Variants in TDP1 observed in about 807,000 individuals in gnomAD.
TDP1 encodes tyrosyl-DNA phosphodiesterase 1.
TDP1 carries 64 observed loss-of-function variants against 81.5 expected under a neutral mutation model. That is an observed-to-expected ratio of 0.79 (90% CI 0.64 to 0.97). TDP1 has a LOEUF of 0.97. Ranked by LOEUF, TDP1 falls within the 50% of genes least tolerant of loss-of-function variation. TDP1 has a pLI of 0.00. For synonymous variants in TDP1, 256 were observed against 264.3 expected (o/e 0.97, Z 0.30); for missense variants, 723 against 743.8 (o/e 0.97, Z 0.33).
At chr14:89,961,425 T>A (rs1892310424) in intron 2 of TDP1, among the ~76,000 whole-genome samples, 1 of 152,212 alleles carries the variant, frequency 6.6e-6, no homozygotes. Flanking sequence ...AGGCCAGTGC[T>A]TATTTAGCTG....
At chr14:89,984,862 A>G (rs143602366) in intron 9 of TDP1, 179 bp downstream of exon 9, 1 of 985,418 alleles carries the variant, frequency 1.0e-6, no homozygotes, top group East Asian at 1.1e-4. Context: ...CAGGCATTAA[A>G]GTGACAGCCA....
intron 13 of TDP1, among the ~76,000 whole-genome samples, chr14:89,992,773 A>T (rs1385137456): frequency 6.6e-6 from 1 of 152,174 alleles, no homozygotes; most frequent in Non-Finnish European, 1.5e-5. Flanking sequence ...GTTAATCTGG[A>T]GGGACCATCC....
At chr14:90,035,335 T>A (rs1887710016) in intron 16 of TDP1, among the ~76,000 whole-genome samples, 1 of 152,162 alleles carries the variant, frequency 6.6e-6, no homozygotes, top group South Asian at 2.1e-4. Context: ...AGTGTGGAAA[T>A]CCCCTATGCC....
At chr14:90,012,516 G>T (rs1884826938) in intron 14 of TDP1, among the ~76,000 whole-genome samples, 1 of 151,844 alleles carries the variant, frequency 6.6e-6, no homozygotes, top group African/African-American at 2.4e-5. Context: ...TGGACATCCA[G>T]GCGTTTCTAT....
chr14:90,029,466 T>A lies in TDP1; in HGVS notation c.1645-3640T>A, dbSNP rs1453350492. On this transcript the variant is annotated intron_variant, in intron 15 of 16. Coordinates refer to ENST00000335725, the MANE Select transcript of TDP1 (RefSeq NM_018319.4). ...CGCCCGCCTCGGCCTCACAAAGTGC[T>A]GGCATTACAGGCATGAGCCACCGCA... 1.7e-3 allele frequency among the ~76,000 whole-genome samples: 253 copies of A among 150,732 alleles called. 2 individuals carry two copies. The highest frequency in any genetic ancestry group is 2.9e-3 in the Non-Finnish European group (195 of 67,836).
intron 5 of TDP1, among the ~76,000 whole-genome samples, chr14:89,968,301 G>A (rs905030602): frequency 6.6e-6 from 1 of 152,094 alleles, no homozygotes. Context: ...TGGTCTAGAT[G>A]GGGGCACCAG....
chr14:89,977,225 AT>A (rs1187721442), intron 7 of TDP1, among the ~76,000 whole-genome samples: 1 of 152,248 alleles, frequency 6.6e-6, no homozygotes, highest in East Asian at 1.9e-4. Flanking sequence ...TGTAGTTTAC[AT>A]TTTGTTGAAA....
chr14:89,975,961 T>C, intron 7 of TDP1, 146 bp downstream of exon 7: 1 of 734,988 alleles, frequency 1.4e-6, no homozygotes, highest in South Asian at 1.5e-5. Flanking sequence ...GCTATTCTTT[T>C]ATTTAATGCT....
intron 7 of TDP1, chr14:89,980,312 A>T (rs1894824706): frequency 1.0e-6 from 1 of 985,286 alleles, no homozygotes; most frequent in South Asian, 4.7e-5. Context: ...ACTAGGGTTG[A>T]AAGTTCTTTT....
rs146029247 is a variant in TDP1 at position 89,989,073 on chromosome 14, T to A, written c.1300T>A (p.Ser434Thr). The A allele has an allele frequency of 6.2e-7, 1 of 1,613,884 alleles. No homozygotes were observed. The highest frequency in any genetic ancestry group is 1.3e-5 in the African/African-American group (1 of 74,926). ...GGAAAGCAAGACTCCAGGAAAAAGC[T>A]CTGTTCCTCTTTACTTGGTGAGTTC... ...GKESKTPGKS[S>T]VPLYLIYPSV... Residue 434 changes from serine to threonine, a missense_variant, in exon 11 of 17, where the codon TCT (serine) becomes ACT (threonine). Coordinates refer to ENST00000335725, the MANE Select transcript of TDP1 (RefSeq NM_018319.4).
In TDP1 at chr14:89,969,272, G is replaced by A. The variant is rs989565454; in HGVS notation, c.659+1850G>A. Among the ~76,000 whole-genome samples the A allele has an allele frequency of 5.3e-5, 8 of 151,186 alleles. No individual in the cohort carries two copies. In the South Asian group the frequency reaches 1.5e-3, roughly 28 times the overall value. On this transcript the variant is annotated intron_variant, in intron 5 of 16. Transcript: ENST00000335725. ...TCTCAGTAACTAAAGGGACGAAAGT[G>A]TCCTCCTTCTCCCTGCATCCCCTTA...
At chr14:89,967,237 G>C in intron 4 of TDP1, 130 bp from the exon 5 acceptor site, 1 of 1,361,452 alleles carries the variant, frequency 7.3e-7, no homozygotes, top group Non-Finnish European at 1.0e-6. Flanking sequence ...AACCCTCCAG[G>C]TTTATAAATA....
At chr14:90,037,624 A>G (rs900576636) in intron 16 of TDP1, among the ~76,000 whole-genome samples, 5 of 152,210 alleles carry the variant, frequency 3.3e-5, no homozygotes, top group Non-Finnish European at 5.9e-5. Context: ...ATTTTATCAC[A>G]TTTACATCCT....
intron 12 of TDP1, among the ~76,000 whole-genome samples, chr14:89,991,131 C>T (rs1007083687): frequency 6.6e-6 from 1 of 152,102 alleles, no homozygotes; most frequent in African/African-American, 2.4e-5. Context: ...CTAGATTTTC[C>T]TCCCCAAGTC....
Position 89,984,630 on chromosome 14 carries a change from T to C in TDP1, c.999T>C (p.Pro333=). The change falls in exon 9 of 17, where the codon CCT becomes CCC. Residue 333 remains proline, a synonymous_variant. Coordinates refer to ENST00000335725, the MANE Select transcript of TDP1 (RefSeq NM_018319.4). The part of the protein sequence containing the change: ...LISYLMAYNA[P]SLKEWIDVIH... Reference sequence around the variant, plus strand: ...GTTACTTGATGGCTTATAATGCCCCTTCTCTCAAGGAGTGGATAGATGTCA... The same window carrying C: ...GTTACTTGATGGCTTATAATGCCCCCTCTCTCAAGGAGTGGATAGATGTCA... 1 of 1,614,178 alleles carries C rather than the reference T, an allele frequency of 6.2e-7. No individual in the cohort carries two copies. The highest frequency in any genetic ancestry group is 8.5e-7 in the Non-Finnish European group (1 of 1,180,036).
At chr14:90,035,156 C>T (rs35287401) in intron 16 of TDP1, among the ~76,000 whole-genome samples, 3,874 of 152,246 alleles carry the variant, frequency 0.025, 150 homozygotes, top group African/African-American at 0.085. Flanking sequence ...GTAAACCAAG[C>T]CTTCTCTGTC....
chr14:90,018,940 T>C (rs182666655), intron 14 of TDP1: 8 of 976,050 alleles, frequency 8.2e-6, no homozygotes, highest in African/African-American at 1.8e-5. Flanking sequence ...CATAAGATAA[T>C]ATTAACTTTC....
Position 89,966,149 on chromosome 14 carries a change from A to C in TDP1, c.562A>C (p.Ile188Leu), listed in dbSNP as rs771598099. ...TGATATATGTTTTGTCTTCTCAGAT[A>C]TTTTATCTCCTTTATTTGGGACGCT... ...YNSGALHIKD[I>L]LSPLFGTLVS... The change falls in exon 4 of 17, where the codon ATT (isoleucine) becomes CTT (leucine). Residue 188 changes from isoleucine (I) to leucine (L), a missense_variant and splice_region_variant. Transcript: ENST00000335725. The C allele has an allele frequency of 2.5e-6, 4 of 1,599,924 alleles. No homozygotes were observed. In the African/African-American group the frequency reaches 5.4e-5, roughly 21 times the overall value.
chr14:90,028,580 TG>T (rs1464257878), intron 15 of TDP1, among the ~76,000 whole-genome samples: 1 of 152,206 alleles, frequency 6.6e-6, no homozygotes, highest in Non-Finnish European at 1.5e-5. Context: ...CCTGGGAGGG[TG>T]CCTTCCTCTG....
Sources: allele counts gnomAD v4.1 joint callset (sites outside exome capture counted in the v4.1 genomes callset), GRCh38; gene constraint gnomAD v4.1.1; transcripts MANE v1.5; gene names NCBI Gene and HGNC (gene_info 2026-07-23, HGNC 2026-07-21).